The following CFAP58 variants were observed in gnomAD, a reference collection of about 807,000 sequenced individuals.
CFAP58 encodes cilia and flagella associated protein 58, also known as cilia- and flagella-associated protein 58.
CFAP58 carries 88 observed loss-of-function variants against 119.5 expected under a neutral mutation model. That is an observed-to-expected ratio of 0.74 (90% CI 0.62 to 0.88). CFAP58 has a LOEUF of 0.88. Ranked by LOEUF, CFAP58 falls within the 40% of genes least tolerant of loss-of-function variation. The probability of loss-of-function intolerance (pLI) is 0.00; values close to 1 mark genes in which losing one functional copy is unlikely to be tolerated. For synonymous variants in CFAP58, 365 were observed against 366.3 expected (o/e 1.00, Z 0.04); for missense variants, 990 against 1,021.2 (o/e 0.97, Z 0.42).
At chr10:104,354,345 A>G (rs1042870431) in intron 1 of CFAP58, among the ~76,000 whole-genome samples, 1 of 151,886 alleles carries the variant, frequency 6.6e-6, no homozygotes, top group Non-Finnish European at 1.5e-5. Flanking sequence ...TCACACCCTG[A>G]TTTCCTAACA....
chr10:104,357,948 CAT>C lies in CFAP58; in HGVS notation c.10-387_10-386del, dbSNP rs554374749. ...ACACATATACACACATATATGTACA[CAT>C]ATATACACATATATGTACACATATG... On this transcript the variant is annotated intron_variant, in intron 1 of 17. Transcript: ENST00000369704. Among the ~76,000 whole-genome samples, 141 of 117,140 alleles carry C rather than the reference CAT, an allele frequency of 1.2e-3. 7 individuals are homozygous for C. The highest frequency in any genetic ancestry group is 5.4e-3 in the African/African-American group (102 of 18,720). 76.8% of individuals were successfully genotyped at this position (117,140 alleles called of 152,430 possible). A position where few individuals can be genotyped will look rare whatever the true frequency, so the allele number is the denominator to read the frequency against.
At chr10:104,365,576 T>C (rs2014730326) in intron 4 of CFAP58, among the ~76,000 whole-genome samples, 1 of 152,130 alleles carries the variant, frequency 6.6e-6, no homozygotes, top group African/African-American at 2.4e-5. Flanking sequence ...CCACACTTTG[T>C]GGATTTGTTG....
chr10:104,404,430 T>C (rs758163240), intron 14 of CFAP58, among the ~76,000 whole-genome samples: 1 of 152,172 alleles, frequency 6.6e-6, no homozygotes, highest in Non-Finnish European at 1.5e-5. Context: ...AAATGACAGT[T>C]AAAGACAAAC....
chr10:104,395,595 GA>G (rs2012134078), intron 11 of CFAP58, among the ~76,000 whole-genome samples: 1 of 152,154 alleles, frequency 6.6e-6, no homozygotes, highest in Admixed American at 6.5e-5. Flanking sequence ...ACATTCTCTA[GA>G]AAAATATGAC....
In CFAP58 at chr10:104,454,454, T is replaced by C. The variant is rs2013247124; in HGVS notation, c.2543T>C (p.Phe848Ser). The C allele has an allele frequency of 6.2e-7, 1 of 1,613,642 alleles. No individual in the cohort carries two copies. The highest frequency in any genetic ancestry group is 8.5e-7 in the Non-Finnish European group (1 of 1,179,810). The change falls in exon 18 of 18, where the codon TTC becomes TCC. Residue 848 changes from phenylalanine to serine, a missense_variant. Phe to Ser is a radical substitution (Grantham distance 155). Transcript: ENST00000369704. ...NKDTAPMDNT[F>S]LMVKPNGPGF... ...GACACAGCACCCATGGATAACACCT[T>C]CTTAATGGTCAAACCAAATGGTCCT...
rs372865649 is a variant in CFAP58, at chr10:104,407,223, G to A, written c.2256+430G>A. ...GAAATGGAAGAAGAGATTTCTTTTTGAGGATTTTATGCAGTAAATTGTTCT... is the reference window on the plus strand; with the variant it reads ...GAAATGGAAGAAGAGATTTCTTTTTAAGGATTTTATGCAGTAAATTGTTCT... On this transcript the variant is annotated intron_variant, in intron 15 of 17. Transcript: ENST00000369704. 1.1e-4 allele frequency among the ~76,000 whole-genome samples: 17 copies of A among 152,286 alleles called. No homozygotes were observed. The East Asian group carries it at 3.1e-3, about 28-fold the overall frequency.
chr10:104,394,974 T>C (rs2012122491), intron 11 of CFAP58, among the ~76,000 whole-genome samples: 1 of 152,180 alleles, frequency 6.6e-6, no homozygotes, highest in South Asian at 2.1e-4. Flanking sequence ...ATGTAATCCA[T>C]TTGGTGCATC....
At chr10:104,358,019 A>G (rs1372910922) in intron 1 of CFAP58, among the ~76,000 whole-genome samples, 2 of 128,474 alleles carry the variant, frequency 1.6e-5, no homozygotes, top group African/African-American at 2.9e-5. Context: ...ACATATATGT[A>G]CATATATATA....
chr10:104,403,678 A>G, intron 13 of CFAP58, 51 bp from the exon 14 acceptor site: 1 of 1,213,468 alleles, frequency 8.2e-7, no homozygotes, highest in Non-Finnish European at 1.2e-6. Flanking sequence ...GATAGATAGG[A>G]TATTCAAACG....
chr10:104,362,416 T>G (rs1310573727), intron 3 of CFAP58, among the ~76,000 whole-genome samples: 3 of 152,212 alleles, frequency 2.0e-5, no homozygotes, highest in Non-Finnish European at 2.9e-5. Flanking sequence ...TAGTATAGTT[T>G]CAAAATGAGT....
At chr10:104,347,660 T>C in the CFAP58 span, among the ~76,000 whole-genome samples, 4 of 152,098 alleles carry the variant, frequency 2.6e-5, no homozygotes, top group Non-Finnish European at 5.9e-5. Flanking sequence ...GCAAACAGGA[T>C]CTGTGTTGAT....
At chr10:104,428,611 T>A (rs1487980581) in intron 15 of CFAP58, among the ~76,000 whole-genome samples, 1 of 152,072 alleles carries the variant, frequency 6.6e-6, no homozygotes, top group Non-Finnish European at 1.5e-5. Context: ...CAGGCATGAG[T>A]GCAAGTTGCA....
chr10:104,450,700 T>G (rs2013181217), intron 17 of CFAP58, among the ~76,000 whole-genome samples: 2 of 146,474 alleles, frequency 1.4e-5, no homozygotes, highest in East Asian at 2.0e-4. Flanking sequence ...TTTATTTATT[T>G]ATTTATTTAT....
intron 1 of CFAP58, among the ~76,000 whole-genome samples, chr10:104,357,828 CAT>C (rs1157631919): frequency 5.1e-5 from 7 of 136,220 alleles, no homozygotes; most frequent in East Asian, 2.1e-4. Flanking sequence ...CATATATACA[CAT>C]ATATGTACAC....
chr10:104,390,418 C>T (rs1042748726), intron 9 of CFAP58, among the ~76,000 whole-genome samples: 1 of 152,074 alleles, frequency 6.6e-6, no homozygotes, highest in Admixed American at 6.5e-5. Context: ...CCCAAAAAGC[C>T]AAACAGAAAA....
chr10:104,371,426 T>G (rs1419384598), intron 7 of CFAP58, among the ~76,000 whole-genome samples: 2 of 152,204 alleles, frequency 1.3e-5, no homozygotes, highest in Non-Finnish European at 2.9e-5. Flanking sequence ...TGTCCTTCAT[T>G]AGCAGTATCT....
chr10:104,339,595 T>G, the CFAP58 span, among the ~76,000 whole-genome samples: 1 of 152,178 alleles, frequency 6.6e-6, no homozygotes, highest in African/African-American at 2.4e-5. Context: ...TAGATCACCT[T>G]TTTTTCGTCT....
intron 15 of CFAP58, among the ~76,000 whole-genome samples, chr10:104,442,803 T>A (rs1361907614): frequency 1.3e-5 from 2 of 152,144 alleles, no homozygotes; most frequent in African/African-American, 4.8e-5. Flanking sequence ...ATTTTCTGAG[T>A]TATACACAAC....
At chr10:104,381,686 TAAAG>T (rs1490140551) in intron 9 of CFAP58, among the ~76,000 whole-genome samples, 2 of 151,670 alleles carry the variant, frequency 1.3e-5, no homozygotes, top group East Asian at 3.9e-4. Flanking sequence ...ATTACAGAAA[TAAAG>T]AAAGTGGGAA....
Sources: gnomAD v4.1 joint callset for allele counts (sites outside exome capture counted in the v4.1 genomes callset) on GRCh38, gnomAD v4.1.1 for gene constraint, MANE v1.5 for transcripts, NCBI Gene and HGNC (gene_info 2026-07-23, HGNC 2026-07-21) for gene names.